ARHGEF10: variants seen among roughly 807,000 people sequenced by gnomAD.
The protein encoded by ARHGEF10 is Rho guanine nucleotide exchange factor (GEF) 10.
A neutral mutation model predicts 147.4 loss-of-function variants in ARHGEF10; 140 were observed. The observed-to-expected ratio is 0.95, with a 90% confidence interval of 0.83 to 1.09. The LOEUF is 1.09. Among genes scored for constraint, ARHGEF10 ranks in the 50% least tolerant of loss-of-function variants. The pLI is 0.00. For missense variants in ARHGEF10, 2,222 were observed against 1,752.7 expected, an observed-to-expected ratio of 1.27 and a Z score of -4.78; for synonymous variants, 902 against 695.8, an observed-to-expected ratio of 1.30 and a Z score of -4.67.
chr8:1,842,634 G>T lies in ARHGEF10; in HGVS notation c.-47-719G>T, dbSNP rs140562788. On this transcript the variant is annotated intron_variant, in intron 1 of 28. Transcript: ENST00000349830. ...GGTCCCTGGCACTGGAGCCGAGGCA[G>T]CTGGAGAGTTCCCTGAGGACAGCTT... 5.2e-3 allele frequency among the ~76,000 whole-genome samples: 798 copies of T among 152,356 alleles called. 6 individuals carry two copies. Among genetic ancestry groups the T allele is most frequent in the African/African-American group, 0.018 (731 of 41,586 alleles).
chr8:1,956,354 C>T (rs548498322), intron 28 of ARHGEF10, among the ~76,000 whole-genome samples: 2 of 152,292 alleles, frequency 1.3e-5, no homozygotes, highest in South Asian at 2.1e-4. Flanking sequence ...CAAACCAACA[C>T]ATTTCAGGCG....
At chr8:1,829,523 TGG>T (rs1303662300) in intron 1 of ARHGEF10, among the ~76,000 whole-genome samples, 2 of 152,130 alleles carry the variant, frequency 1.3e-5, no homozygotes, top group African/African-American at 4.8e-5. Flanking sequence ...AGCAGGCCCG[TGG>T]GAAGCAGCCC....
intron 10 of ARHGEF10, among the ~76,000 whole-genome samples, chr8:1,883,935 T>TG (rs956120643): frequency 4.6e-5 from 7 of 152,128 alleles, no homozygotes; most frequent in African/African-American, 1.7e-4. Flanking sequence ...CTGGAGCCCA[T>TG]GCCAGGCCCC....
At position 1,926,428 on chromosome 8, in the gene ARHGEF10, C is replaced by G. The variant is rs1439779433; in HGVS notation, c.2662C>G (p.Pro888Ala). ...PEPYLNNESQ[P>A]DSFSTAHGFL... ...ACCTTACCTAAATAATGAAAGCCAG[C>G]CAGATTCATTTTCCACGGCACATGG... is the stretch of plus-strand genomic sequence containing the variant. The change falls in exon 23 of 29, where the codon CCA becomes GCA. Residue 888 changes from proline (P) to alanine (A), a missense_variant. Transcript: ENST00000349830. 6.2e-7 allele frequency: 1 copy of G among 1,614,126 alleles called. No individual in the cohort carries two copies. The highest frequency in any genetic ancestry group is 1.1e-5 in the South Asian group (1 of 91,082).
At chr8:1,871,445 T>A (rs4265225) in intron 7 of ARHGEF10, among the ~76,000 whole-genome samples, 80,409 of 151,964 alleles carry the variant, frequency 0.53, 21,391 homozygotes, top group East Asian at 0.69. Flanking sequence ...AAATATTTTG[T>A]CTTGAATAAT....
At position 1,923,061 on chromosome 8, in the gene ARHGEF10, C is replaced by G. The variant is rs374906068; in HGVS notation, c.2241C>G (p.Asn747Lys). The G allele has an allele frequency of 1.7e-5, 28 of 1,610,138 alleles. No homozygotes were observed. Among genetic ancestry groups the G allele is most frequent in the Non-Finnish European group, 2.3e-5 (27 of 1,177,350 alleles). ...VIGQITQLIG[N>K]LKGNYQNLNQ... Reference sequence around the variant, plus strand: ...GCCAAATCACTCAGCTGATAGGAAACCTTAAAGGAAACTATCAGGTAACAA... The same window carrying G: ...GCCAAATCACTCAGCTGATAGGAAAGCTTAAAGGAAACTATCAGGTAACAA... The change falls in exon 19 of 29, where the codon AAC becomes AAG. Residue 747 changes from asparagine to lysine, a missense_variant. Asn to Lys is a moderately conservative substitution (Grantham distance 94). Transcript: ENST00000349830.
intron 16 of ARHGEF10, 146 bp from the exon 17 acceptor site, chr8:1,905,425 C>A: frequency 1.0e-6 from 1 of 979,664 alleles, no homozygotes; most frequent in Non-Finnish European, 1.6e-6. Context: ...GGATGTTCAG[C>A]GCAGTCACGG....
At chr8:1,955,388 A>T (rs1182352274) in intron 28 of ARHGEF10, among the ~76,000 whole-genome samples, 4 of 140,172 alleles carry the variant, frequency 2.9e-5, no homozygotes, top group Non-Finnish European at 6.3e-5. Context: ...AAGGAGGTGT[A>T]CTCTCACTGT....
At chr8:1,828,423 A>G (rs1468294142) in intron 1 of ARHGEF10, among the ~76,000 whole-genome samples, 1 of 149,680 alleles carries the variant, frequency 6.7e-6, no homozygotes, top group African/African-American at 2.5e-5. Context: ...AAGGAATTAC[A>G]TTTTGATAAA....
chr8:1,903,079 T>G (rs1810600539), intron 15 of ARHGEF10, among the ~76,000 whole-genome samples: 1 of 150,560 alleles, frequency 6.6e-6, no homozygotes, highest in Non-Finnish European at 1.5e-5. Flanking sequence ...TCAATTTTGT[T>G]TTTGCAAAGG....
At chr8:1,851,679 G>A (rs1585266466) in intron 2 of ARHGEF10, among the ~76,000 whole-genome samples, 2 of 152,164 alleles carry the variant, frequency 1.3e-5, no homozygotes, top group East Asian at 1.9e-4. Context: ...TTGGGAGGCC[G>A]AGGCAGGAGG....
chr8:1,907,257 A>G (rs973503757), intron 17 of ARHGEF10, among the ~76,000 whole-genome samples: 1 of 152,060 alleles, frequency 6.6e-6, no homozygotes, highest in Non-Finnish European at 1.5e-5. Flanking sequence ...TCCAAGTTTA[A>G]CTGTCCCAGA....
chr8:1,830,953 C>T (rs1384360307), intron 1 of ARHGEF10, among the ~76,000 whole-genome samples: 1 of 152,212 alleles, frequency 6.6e-6, no homozygotes, highest in Non-Finnish European at 1.5e-5. Context: ...AGCGTCTGCG[C>T]GGCCCTGAGG....
chr8:1,922,872 A>G (rs1371391848), intron 18 of ARHGEF10, 92 bp from the exon 19 acceptor site: 2 of 868,338 alleles, frequency 2.3e-6, no homozygotes, highest in Non-Finnish European at 3.7e-6. Flanking sequence ...CTTAAAAATT[A>G]TTTAGTATTT....
chr8:1,893,691 T>C (rs771705343), intron 12 of ARHGEF10, 45 bp downstream of exon 12: 10 of 1,363,190 alleles, frequency 7.3e-6, no homozygotes, highest in Non-Finnish European at 1.0e-5. Context: ...TCTATTATTC[T>C]TTTTTACCTA....
intron 7 of ARHGEF10, among the ~76,000 whole-genome samples, chr8:1,871,807 A>C (rs75673491): frequency 1.3e-5 from 2 of 152,186 alleles, no homozygotes; most frequent in African/African-American, 4.8e-5. Flanking sequence ...ACAGAGCGAG[A>C]CTCCCTCTGA....
At position 1,888,815 on chromosome 8, in the gene ARHGEF10, TGAGAG is replaced by T. The variant is rs1809064723; in HGVS notation, c.1182+3109_1182+3113del. On this transcript the variant is annotated intron_variant, in intron 11 of 28. Transcript: ENST00000349830. ...TATTGTGAGGAGACACTGAGTGGGG[TGAGAG>T]TTATGAGGAGACACTGAATAGGGTG... Among the ~76,000 whole-genome samples, 6 of 64,656 alleles carry T rather than the reference TGAGAG, an allele frequency of 9.3e-5. 1 individual carries two copies. The highest frequency in any genetic ancestry group is 3.6e-4 in the Admixed American group (2 of 5,540). 42.4% of individuals were successfully genotyped at this position (64,656 alleles called of 152,430 possible).
intron 27 of ARHGEF10, among the ~76,000 whole-genome samples, chr8:1,946,577 A>C (rs1814612071): frequency 6.6e-6 from 1 of 152,084 alleles, no homozygotes; most frequent in African/African-American, 2.4e-5. Context: ...CATCATGGGG[A>C]CCCTATCCTC....
In ARHGEF10 at chr8:1,840,561, A is replaced by G. The variant is rs78197955; in HGVS notation, c.-47-2792A>G. Among the ~76,000 whole-genome samples the G allele has an allele frequency of 7.8e-3, 797 of 102,568 alleles. 79 individuals carry two copies. Among genetic ancestry groups the G allele is most frequent in the South Asian group, 0.027 (68 of 2,554 alleles). 67.3% of individuals were successfully genotyped at this position (102,568 alleles called of 152,430 possible). A position where few individuals can be genotyped will look rare whatever the true frequency, so the allele number is the denominator to read the frequency against. Reference sequence around the variant, plus strand: ...GACTGTCCGGTGTGGAAGCTGTCTGATATGGGGACTGTCTGGTGTGGAAGC... The same window carrying G: ...GACTGTCCGGTGTGGAAGCTGTCTGGTATGGGGACTGTCTGGTGTGGAAGC... On this transcript the variant is annotated intron_variant, in intron 1 of 28. Coordinates refer to ENST00000349830, the MANE Select transcript of ARHGEF10 (RefSeq NM_014629.4).
Sources: gnomAD v4.1 joint callset for allele counts (sites outside exome capture counted in the v4.1 genomes callset) on GRCh38, gnomAD v4.1.1 for gene constraint, MANE v1.5 for transcripts, NCBI Gene and HGNC (gene_info 2026-07-23, HGNC 2026-07-21) for gene names.